RBMS3: variants seen among roughly 807,000 people sequenced by gnomAD.
RBMS3 encodes the protein RNA-binding motif, single-stranded-interacting protein 3.
A neutral mutation model predicts 66.8 loss-of-function variants in RBMS3; 27 were observed. The observed-to-expected ratio is 0.40, with a 90% CI of 0.30 to 0.56. RBMS3 has a LOEUF of 0.56. Among genes scored for constraint, RBMS3 ranks in the 20% least tolerant of loss-of-function variants. The pLI is 0.40. For synonymous variants in RBMS3, 188 were observed against 183.0 expected (o/e 1.03, Z -0.22); for missense variants, 513 against 549.5 (o/e 0.93, Z 0.66).
chr3:29,914,513 G>T (rs1232856771), intron 10 of RBMS3, among the ~76,000 whole-genome samples: 1 of 151,602 alleles, frequency 6.6e-6, no homozygotes, highest in Non-Finnish European at 1.5e-5. Context: ...CTAGTGTTGT[G>T]CATACGCTGA....
intron 6 of RBMS3, among the ~76,000 whole-genome samples, chr3:29,792,486 C>A (rs761940746): frequency 2.0e-5 from 3 of 152,062 alleles, no homozygotes; most frequent in African/African-American, 7.3e-5. Flanking sequence ...TATTGTTGTA[C>A]CTTGGGCTGT....
At chr3:29,491,571 C>T (rs1243332017) in intron 3 of RBMS3, among the ~76,000 whole-genome samples, 1 of 151,800 alleles carries the variant, frequency 6.6e-6, no homozygotes, top group Non-Finnish European at 1.5e-5. Flanking sequence ...CTGGTCTCAC[C>T]AATAAATATG....
chr3:29,577,147 C>A (rs1198944333), intron 3 of RBMS3, among the ~76,000 whole-genome samples: 1 of 152,208 alleles, frequency 6.6e-6, no homozygotes, highest in African/African-American at 2.4e-5. Flanking sequence ...CTAGGTCCTT[C>A]CCTTCAATGC....
rs140535782 is a variant in RBMS3 at position 29,306,525 on chromosome 3, A to G, written c.75+24769A>G. On this transcript the variant is annotated intron_variant, in intron 1 of 14. Coordinates refer to ENST00000383767, the MANE Select transcript of RBMS3 (RefSeq NM_001003793.3). ...TTGCAACCATAAAACCTTAATTCAC[A>G]GAAAGTAAGTAATGTTGGACAATAA... 6.3e-3 allele frequency among the ~76,000 whole-genome samples: 963 copies of G among 152,100 alleles called. 8 individuals carry two copies. Among genetic ancestry groups the G allele is most frequent in the Non-Finnish European group, 0.011 (776 of 67,926 alleles).
intron 14 of RBMS3, among the ~76,000 whole-genome samples, chr3:29,996,595 GAA>G (rs1265196087): frequency 2.1e-4 from 31 of 149,644 alleles, no homozygotes; most frequent in Non-Finnish European, 4.3e-4. Flanking sequence ...AATCAAACTA[GAA>G]CTCAGGATTA....
chr3:29,333,504 G>A (rs950642515), intron 1 of RBMS3, among the ~76,000 whole-genome samples: 3 of 152,150 alleles, frequency 2.0e-5, no homozygotes, highest in African/African-American at 7.2e-5. Context: ...CAGACTGAGG[G>A]AAAAGTAAAA....
chr3:29,822,937 G>T (rs1158261798), intron 6 of RBMS3, among the ~76,000 whole-genome samples: 1 of 152,088 alleles, frequency 6.6e-6, no homozygotes, highest in African/African-American at 2.4e-5. Context: ...AGTTTGAAAG[G>T]AATGCTTAGT....
intron 1 of RBMS3, among the ~76,000 whole-genome samples, chr3:29,305,476 G>T (rs537635887): frequency 5.3e-5 from 8 of 151,846 alleles, no homozygotes; most frequent in Non-Finnish European, 1.2e-4. Flanking sequence ...TGCCCCTCAG[G>T]TTTATGCCTA....
intron 1 of RBMS3, among the ~76,000 whole-genome samples, chr3:29,327,519 A>C (rs899572505): frequency 6.6e-6 from 1 of 152,076 alleles, no homozygotes; most frequent in Non-Finnish European, 1.5e-5. Flanking sequence ...CTGTTACTTA[A>C]TATTATCACT....
chr3:29,836,888 C>G (rs900911299), intron 6 of RBMS3, among the ~76,000 whole-genome samples: 1 of 151,616 alleles, frequency 6.6e-6, no homozygotes. Context: ...GGGAGAAAAC[C>G]TCTAATGTTT....
At chr3:29,833,498 C>T (rs534436238) in intron 6 of RBMS3, among the ~76,000 whole-genome samples, 204 of 151,952 alleles carry the variant, frequency 1.3e-3, no homozygotes, top group African/African-American at 4.3e-3. Flanking sequence ...AAATTATGAG[C>T]GAAACCAACA....
intron 1 of RBMS3, among the ~76,000 whole-genome samples, chr3:29,289,565 A>G (rs1048290667): frequency 2.0e-5 from 3 of 151,882 alleles, no homozygotes; most frequent in African/African-American, 7.2e-5. Context: ...TAGACATATA[A>G]AAAGGCTTAA....
At chr3:29,803,306 G>T (rs533221830) in intron 6 of RBMS3, among the ~76,000 whole-genome samples, 2 of 152,126 alleles carry the variant, frequency 1.3e-5, no homozygotes, top group East Asian at 3.9e-4. Context: ...TATTTCCTGG[G>T]TTATTTTTTA....
At chr3:29,816,602 G>C (rs11708604) in intron 6 of RBMS3, among the ~76,000 whole-genome samples, 6,769 of 152,036 alleles carry the variant, frequency 0.045, 235 homozygotes, top group Admixed American at 0.084. Flanking sequence ...AGAAATCAAA[G>C]GTTCTTCTGG....
intron 1 of RBMS3, among the ~76,000 whole-genome samples, chr3:29,284,980 G>A (rs1222375331): frequency 1.8e-4 from 27 of 148,190 alleles, no homozygotes; most frequent in African/African-American, 5.0e-4. Context: ...AGAAACAACC[G>A]GATGAAAAAA....
chr3:29,898,725 G>C (rs1226018630), intron 9 of RBMS3, among the ~76,000 whole-genome samples: 2 of 145,620 alleles, frequency 1.4e-5, no homozygotes, highest in Admixed American at 1.4e-4. Context: ...GGCCTGCCTG[G>C]TTGTAATGTG....
chr3:29,865,760 A>G (rs909787721), intron 6 of RBMS3, among the ~76,000 whole-genome samples: 5 of 152,124 alleles, frequency 3.3e-5, no homozygotes, highest in Admixed American at 1.3e-4. Flanking sequence ...AGGACTCACA[A>G]ATAAATCTGG....
At chr3:29,613,156 A>C (rs2149136686) in intron 4 of RBMS3, among the ~76,000 whole-genome samples, 1 of 152,244 alleles carries the variant, frequency 6.6e-6, no homozygotes, top group Non-Finnish European at 1.5e-5. Context: ...TGAACATGAG[A>C]GTGCATCTTT....
intron 3 of RBMS3, among the ~76,000 whole-genome samples, chr3:29,555,491 T>C (rs1251162609): frequency 6.6e-6 from 1 of 152,186 alleles, no homozygotes; most frequent in Non-Finnish European, 1.5e-5. Context: ...ATCCGTCTGC[T>C]TGAGGATCTA....
Sources: allele counts gnomAD v4.1 joint callset (sites outside exome capture counted in the v4.1 genomes callset), GRCh38; gene constraint gnomAD v4.1.1; transcripts MANE v1.5; gene names NCBI Gene and HGNC (gene_info 2026-07-23, HGNC 2026-07-21).